Variants in ABHD13 observed in about 807,000 individuals in gnomAD.
ABHD13 encodes the protein protein ABHD13.
ABHD13 carries 7 observed loss-of-function variants against 25.2 expected under a neutral mutation model. The ratio of observed to expected loss-of-function variants is 0.28; its 90% CI spans 0.16 to 0.52. The LOEUF is 0.52. Ranked by LOEUF, ABHD13 falls within the 20% of genes least tolerant of loss-of-function variation. The pLI, the probability that ABHD13 is intolerant of heterozygous loss-of-function variation, is 0.96. For missense variants in ABHD13, 302 were observed against 402.7 expected, an observed-to-expected ratio of 0.75 and a Z score of 2.14; for synonymous variants, 133 against 136.1, an observed-to-expected ratio of 0.98 and a Z score of 0.16.
rs1052311463 is a variant in ABHD13, at chr13:108,230,511, G to T, written c.*279G>T. The stretch of plus-strand genomic sequence containing the variant: ...AATAGATATTGTTCAAAAGTTTCTT[G>T]TTGCTAAAGTGGTGTAATCTGTTAC... On this transcript the variant is annotated 3_prime_UTR_variant, in exon 2 of 2. Transcript: ENST00000375898. 6 of 250,274 alleles carry T rather than the reference G, an allele frequency of 2.4e-5. No homozygotes were observed. Among genetic ancestry groups the T allele is most frequent in the African/African-American group, 6.8e-5 (3 of 43,800 alleles). The allele number at this position is 250,274 out of a possible 1,614,324, so 15.5% of individuals were successfully genotyped here. A position where few individuals can be genotyped will look rare whatever the true frequency, so the allele number is the denominator to read the frequency against.
At chr13:108,226,292 T>C (rs1566380458) in intron 1 of ABHD13, among the ~76,000 whole-genome samples, 1 of 152,160 alleles carries the variant, frequency 6.6e-6, no homozygotes, top group Non-Finnish European at 1.5e-5. Flanking sequence ...GGAAACAGTG[T>C]CTTTTTGTGA....
intron 1 of ABHD13, among the ~76,000 whole-genome samples, 191 bp downstream of exon 1, chr13:108,218,850 G>C (rs568809415): frequency 6.6e-6 from 1 of 152,114 alleles, no homozygotes; most frequent in South Asian, 2.1e-4. Flanking sequence ...GGGTTGTGGA[G>C]GACCAGCCCG....
At position 108,222,877 on chromosome 13, in the gene ABHD13, A is replaced by G. The variant is rs1879597518; in HGVS notation, c.-21+4218A>G. Among the ~76,000 whole-genome samples, 5 of 152,352 alleles carry G rather than the reference A, an allele frequency of 3.3e-5. No individual in the cohort carries two copies. In the South Asian group the frequency reaches 1.0e-3, roughly 32 times the overall value. ...CTGCCTCATAGAAGACAGGCAGATT[A>G]TTAGGCTCTTAAAGTGAAACATGAA... is the stretch of plus-strand genomic sequence containing the variant. On this transcript the variant is annotated intron_variant, in intron 1 of 1. Transcript: ENST00000375898.
At chr13:108,221,862 A>C (rs1475343779) in intron 1 of ABHD13, among the ~76,000 whole-genome samples, 1 of 150,840 alleles carries the variant, frequency 6.6e-6, no homozygotes, top group Non-Finnish European at 1.5e-5. Flanking sequence ...TTTTTGAGAC[A>C]TAGTCTCACT....
rs781312856 is a variant in ABHD13, at chr13:108,229,887, A to G, written c.669A>G (p.Pro223=). The G allele has an allele frequency of 6.2e-7, 1 of 1,613,404 alleles. No homozygotes were observed. Among genetic ancestry groups the G allele is most frequent in the Non-Finnish European group, 8.5e-7 (1 of 1,179,496 alleles). Residue 223 remains proline, a synonymous_variant, in exon 2 of 2, where the codon CCA becomes CCG. Coordinates refer to ENST00000375898, the MANE Select transcript of ABHD13 (RefSeq NM_032859.3). This position sits in a 1 kb window ranked among gnomAD's most constrained non-coding sequence, Gnocchi z 4.7. ...TGGAGAACACATTTTTAAGCATACC[A>G]CATATGGCCAGCACTTTATTTTCAT... is the stretch of plus-strand genomic sequence containing the variant. ...IMVENTFLSI[P]HMASTLFSFF... is the part of the protein sequence containing the mutation.
chr13:108,229,691 G>A lies in ABHD13; in HGVS notation c.473G>A (p.Gly158Glu). The part of the protein sequence containing the change: ...VDYRGYGKSE[G>E]EASEEGLYLD... ...TATCGAGGATATGGAAAAAGTGAAG[G>A]AGAAGCAAGTGAAGAAGGACTCTAC... The change falls in exon 2 of 2, where the codon GGA becomes GAA. Residue 158 changes from glycine (G) to glutamate (E), a missense_variant. Transcript: ENST00000375898. The surrounding 1 kb of genome is among the most constrained non-coding windows in gnomAD (Gnocchi z 4.7). 1 of 1,613,296 alleles carries A rather than the reference G, an allele frequency of 6.2e-7. No homozygotes were observed. The highest frequency in any genetic ancestry group is 8.5e-7 in the Non-Finnish European group (1 of 1,179,546).
intron 1 of ABHD13, among the ~76,000 whole-genome samples, chr13:108,227,562 G>T (rs553969802): frequency 3.3e-5 from 5 of 152,034 alleles, no homozygotes; most frequent in Admixed American, 1.3e-4. Context: ...CGTGTATTTG[G>T]AGCTATTTTA....
chr13:108,231,830 A>G lies in ABHD13; in HGVS notation c.*1598A>G, dbSNP rs1236371636. ...TTATTCACTTTATGCCGGTATTTAG[A>G]AAAAATAAATTATAGCAAGTATGAT... On this transcript the variant is annotated 3_prime_UTR_variant, in exon 2 of 2. Coordinates refer to ENST00000375898, the MANE Select transcript of ABHD13 (RefSeq NM_032859.3). The G allele has an allele frequency of 6.0e-6, 1 of 166,164 alleles. No individual in the cohort carries two copies. Among genetic ancestry groups the G allele is most frequent in the African/African-American group, 2.4e-5 (1 of 41,286 alleles). 10.3% of individuals were successfully genotyped at this position (166,164 alleles called of 1,614,324 possible). A position where few individuals can be genotyped will look rare whatever the true frequency, so the allele number is the denominator to read the frequency against.
chr13:108,221,143 T>C (rs34214453), intron 1 of ABHD13, among the ~76,000 whole-genome samples: 7,679 of 152,328 alleles, frequency 0.05, 209 homozygotes, highest in East Asian at 0.11. Flanking sequence ...TAGTTAAAGA[T>C]GCTGTCTGAA....
chr13:108,232,109 C>CA lies in ABHD13; in HGVS notation c.*1886dup, dbSNP rs3837557. The CA allele has an allele frequency of 4.8e-3, 787 of 162,308 alleles. 8 individuals carry two copies. The highest frequency in any genetic ancestry group is 0.038 in the Middle Eastern group (11 of 288). The allele number at this position is 162,308 out of a possible 1,614,324, so 10.1% of individuals were successfully genotyped here. A position where few individuals can be genotyped will look rare whatever the true frequency, so the allele number is the denominator to read the frequency against. ...TATTTGTATCATTCTTTAAAGTTTACAAAAAAAAACCTTATGTTTTTATGT... is the reference window on the plus strand; with the variant it reads ...TATTTGTATCATTCTTTAAAGTTTACAAAAAAAAAACCTTATGTTTTTATGT... On this transcript the variant is annotated 3_prime_UTR_variant, in exon 2 of 2. Transcript: ENST00000375898.
chr13:108,228,775 A>G (rs901572473), intron 1 of ABHD13, among the ~76,000 whole-genome samples: 2 of 151,838 alleles, frequency 1.3e-5, no homozygotes, highest in African/African-American at 4.8e-5. Context: ...ATGTACCACA[A>G]TCTCTAGAAT....
chr13:108,219,602 CAT>C (rs1879503954), intron 1 of ABHD13, among the ~76,000 whole-genome samples: 1 of 152,214 alleles, frequency 6.6e-6, no homozygotes, highest in East Asian at 1.9e-4. Context: ...CTACCTAAGA[CAT>C]CAGCTGCTCA....
At position 108,229,866 on chromosome 13, in the gene ABHD13, G is replaced by T. The variant is rs1879759000; in HGVS notation, c.648G>T (p.Glu216Asp). 6.2e-7 allele frequency: 1 copy of T among 1,613,404 alleles called. No homozygotes were observed. The highest frequency in any genetic ancestry group is 8.5e-7 in the Non-Finnish European group (1 of 1,179,494). Residue 216 changes from glutamate (E) to aspartate (D), a missense_variant, in exon 2 of 2, where the codon GAG becomes GAT. By Grantham distance (45) the Glu-to-Asp change is conservative. Coordinates refer to ENST00000375898, the MANE Select transcript of ABHD13 (RefSeq NM_032859.3). This position sits in a 1 kb window ranked among gnomAD's most constrained non-coding sequence, Gnocchi z 4.7. Reference sequence around the variant, plus strand: ...ATAGGATTTCAGCCATTATGGTGGAGAACACATTTTTAAGCATACCACATA... The same window carrying T: ...ATAGGATTTCAGCCATTATGGTGGATAACACATTTTTAAGCATACCACATA... The part of the protein sequence containing the change: ...NSHRISAIMV[E>D]NTFLSIPHMA...
In ABHD13 at chr13:108,233,849, A is replaced by G. The variant is rs953530873; in HGVS notation, c.*3617A>G. Reference sequence around the variant, plus strand: ...CTCCATTTATATTTTGTATCTTAAAATGTAGTTTAAAAATAGGACCATGTA... The same window carrying G: ...CTCCATTTATATTTTGTATCTTAAAGTGTAGTTTAAAAATAGGACCATGTA... On this transcript the variant is annotated 3_prime_UTR_variant, in exon 2 of 2. Transcript: ENST00000375898. 1 of 166,838 alleles carries G rather than the reference A, an allele frequency of 6.0e-6. No individual in the cohort carries two copies. Among genetic ancestry groups the G allele is most frequent in the African/African-American group, 2.4e-5 (1 of 41,438 alleles). The allele number at this position is 166,838 out of a possible 1,614,324, so 10.3% of individuals were successfully genotyped here. A position where few individuals can be genotyped will look rare whatever the true frequency, so the allele number is the denominator to read the frequency against.
Position 108,229,139 on chromosome 13 carries a change from T to G in ABHD13, c.-20-60T>G. ...CCTAGTACCATAGTTTATTATATTG[T>G]GGATTTTTAAAAGAATAGATAGACG... is the stretch of plus-strand genomic sequence containing the variant. On this transcript the variant is annotated intron_variant, in intron 1 of 1. Coordinates refer to ENST00000375898, the MANE Select transcript of ABHD13 (RefSeq NM_032859.3). The surrounding 1 kb of genome is among the most constrained non-coding windows in gnomAD (Gnocchi z 4.7). 1.5e-6 allele frequency: 2 copies of G among 1,306,170 alleles called. No individual in the cohort carries two copies. The highest frequency in any genetic ancestry group is 2.1e-6 in the Non-Finnish European group (2 of 953,312). The allele number at this position is 1,306,170 out of a possible 1,614,324, so 80.9% of individuals were successfully genotyped here.
Position 108,227,357 on chromosome 13 carries a change from G to T in ABHD13, c.-20-1842G>T, listed in dbSNP as rs190077313. Among the ~76,000 whole-genome samples the T allele has an allele frequency of 6.6e-5, 10 of 152,016 alleles. No individual in the cohort carries two copies. In the East Asian group the frequency reaches 1.9e-3, roughly 29 times the overall value. On this transcript the variant is annotated intron_variant, in intron 1 of 1. Coordinates refer to ENST00000375898, the MANE Select transcript of ABHD13 (RefSeq NM_032859.3). ...TAAGTATATATAAAGTGCTGTACTA[G>T]ATATTAGAGATGCAATAGTGAAAAA...
chr13:108,227,582 A>G (rs1051074141), intron 1 of ABHD13, among the ~76,000 whole-genome samples: 1 of 152,052 alleles, frequency 6.6e-6, no homozygotes, highest in Non-Finnish European at 1.5e-5. Context: ...ATCTGGTTTT[A>G]TATAATTTTT....
At position 108,229,511 on chromosome 13, in the gene ABHD13, G is replaced by A. The variant is rs139350774; in HGVS notation, c.293G>A (p.Arg98His). 5.7e-4 allele frequency: 923 copies of A among 1,613,362 alleles called. 1 individual carries two copies. The highest frequency in any genetic ancestry group is 7.0e-4 in the Non-Finnish European group (821 of 1,179,608). The change falls in exon 2 of 2, where the codon CGT becomes CAT. Residue 98 changes from arginine (R) to histidine (H), a missense_variant. Arg to His is a conservative substitution (Grantham distance 29, BLOSUM62 0). Coordinates refer to ENST00000375898, the MANE Select transcript of ABHD13 (RefSeq NM_032859.3). The surrounding 1 kb of genome is among the most constrained non-coding windows in gnomAD (Gnocchi z 4.7). ...TTCATCAGAACCAAAGATGGAATACGTCTGAATCTTATTTTGATACGATAC... is the reference window on the plus strand; with the variant it reads ...TTCATCAGAACCAAAGATGGAATACATCTGAATCTTATTTTGATACGATAC... ...NIFIRTKDGI[R>H]LNLILIRYTG...
At chr13:108,219,832 T>C (rs1405770575) in intron 1 of ABHD13, among the ~76,000 whole-genome samples, 1 of 152,164 alleles carries the variant, frequency 6.6e-6, no homozygotes, top group African/African-American at 2.4e-5. Context: ...GAAAGCTTTC[T>C]AGAGGATCTA....
Sources: gnomAD v4.1 joint callset for allele counts (sites outside exome capture counted in the v4.1 genomes callset) on GRCh38, gnomAD v4.1.1 for gene constraint, Gnocchi (gnomAD v3.1) non-coding constraint, MANE v1.5 for transcripts, NCBI Gene and HGNC (gene_info 2026-07-23, HGNC 2026-07-21) for gene names.